The following PTPRG variants were observed in gnomAD, a reference collection of about 807,000 sequenced individuals.
PTPRG encodes the protein protein tyrosine phosphatase receptor type G, also known as receptor-type tyrosine-protein phosphatase gamma.
Under a neutral mutation model 165.3 loss-of-function variants are expected in PTPRG, and 102 were observed. The ratio of observed to expected loss-of-function variants is 0.62; its 90% CI spans 0.53 to 0.73. The LOEUF (loss-of-function observed/expected upper bound fraction) is 0.73, where lower values mean the gene tolerates loss of function less well. PTPRG is among the 30% of genes least tolerant of loss of function. PTPRG has a pLI of 0.00. For synonymous variants in PTPRG, 675 were observed against 669.5 expected (o/e 1.01, Z -0.13); for missense variants, 1,866 against 1,861.4 (o/e 1.00, Z -0.05).
chr3:62,290,533 G>GACTT (rs1357020655), intron 28 of PTPRG, among the ~76,000 whole-genome samples: 1 of 152,080 alleles, frequency 6.6e-6, no homozygotes, highest in Admixed American at 6.6e-5. Flanking sequence ...CAGATATCAA[G>GACTT]ACTTATTAAG....
Position 61,803,381 on chromosome 3 carries a change from A to G in PTPRG, c.190+54399A>G, listed in dbSNP as rs1048346780. ...GCGAAGTCTTTGAAATCTGATGTGT[A>G]TTATACTCTGTAAGCCCATCCCATT... On this transcript the variant is annotated intron_variant, in intron 2 of 29. Coordinates refer to ENST00000474889, the MANE Select transcript of PTPRG (RefSeq NM_002841.4). 6.6e-5 allele frequency among the ~76,000 whole-genome samples: 9 copies of G among 136,922 alleles called. No homozygotes were observed. In the South Asian group the frequency reaches 9.7e-4, roughly 15 times the overall value. 89.8% of individuals were successfully genotyped at this position (136,922 alleles called of 152,430 possible).
intron 5 of PTPRG, among the ~76,000 whole-genome samples, chr3:62,120,856 C>A (rs1454930091): frequency 6.6e-6 from 1 of 152,010 alleles, no homozygotes; most frequent in Non-Finnish European, 1.5e-5. Context: ...CTGTCTATAG[C>A]CAGAAGTTGG....
intron 14 of PTPRG, among the ~76,000 whole-genome samples, chr3:62,243,064 A>G (rs1223850613): frequency 6.6e-6 from 1 of 152,116 alleles, no homozygotes; most frequent in Non-Finnish European, 1.5e-5. Flanking sequence ...CGCAATGAGC[A>G]GTGACGTGGA....
chr3:62,191,598 C>T lies in PTPRG; in HGVS notation c.1163C>T (p.Thr388Ile). The T allele has an allele frequency of 6.2e-7, 1 of 1,614,100 alleles. No individual in the cohort carries two copies. Among genetic ancestry groups the T allele is most frequent in the South Asian group, 1.1e-5 (1 of 91,066 alleles). The part of the protein sequence containing the change: ...IMNYMISYSW[T>I]KNEDEKEKTF... The stretch of plus-strand genomic sequence containing the variant: ...AACTACATGATCTCCTACAGCTGGA[C>T]CAAGAATGAGGACGAGAAGGAGAAG... Residue 388 changes from threonine (T) to isoleucine (I), a missense_variant, in exon 9 of 30, where the codon ACC (threonine) becomes ATC (isoleucine). Around this residue, in one of 3 missense-constraint regions of PTPRG, gnomAD observed 1,452 missense variants for 1,463.0 expected, o/e 0.99. Coordinates refer to ENST00000474889, the MANE Select transcript of PTPRG (RefSeq NM_002841.4).
At position 62,150,445 on chromosome 3, in the gene PTPRG, C is replaced by A. The variant is rs1421950184; in HGVS notation, c.683-6622C>A. Among the ~76,000 whole-genome samples the A allele has an allele frequency of 3.9e-5, 6 of 152,214 alleles. No individual in the cohort carries two copies. The South Asian group carries it at 6.2e-4, about 16-fold the overall frequency. ...AAACGCAGAATCTCAGCTCTCATCC[C>A]AGACCTACTGGATCAGAATCTGCAT... On this transcript the variant is annotated intron_variant, in intron 6 of 29. Transcript: ENST00000474889.
chr3:61,676,799 G>C (rs887062706), intron 1 of PTPRG, among the ~76,000 whole-genome samples: 2 of 152,120 alleles, frequency 1.3e-5, no homozygotes, highest in African/African-American at 2.4e-5. Context: ...GAGCCAGATA[G>C]GATAGAGATT....
intron 2 of PTPRG, among the ~76,000 whole-genome samples, chr3:61,807,654 G>T (rs996806006): frequency 6.6e-6 from 1 of 152,170 alleles, no homozygotes; most frequent in Non-Finnish European, 1.5e-5. Context: ...ATACACATAT[G>T]TACACTTGTG....
chr3:61,941,864 A>G (rs1440182298), intron 2 of PTPRG, among the ~76,000 whole-genome samples: 1 of 151,940 alleles, frequency 6.6e-6, no homozygotes, highest in Admixed American at 6.6e-5. Context: ...TTTCTTTAGA[A>G]AGCCAGAATG....
chr3:62,192,473 A>ATCTCGGC (rs1370638491), intron 9 of PTPRG, among the ~76,000 whole-genome samples: 1 of 133,034 alleles, frequency 7.5e-6, no homozygotes, highest in African/African-American at 2.9e-5. Context: ...CAGTGGCGCA[A>ATCTCGGC]TCTCGGCTCA....
intron 6 of PTPRG, among the ~76,000 whole-genome samples, chr3:62,139,374 G>A (rs561603451): frequency 1.5e-4 from 23 of 152,144 alleles, no homozygotes; most frequent in Non-Finnish European, 2.4e-4. Flanking sequence ...CAGGAGAATC[G>A]CTTGAACCTG....
chr3:61,676,670 C>A (rs1324589185), intron 1 of PTPRG, among the ~76,000 whole-genome samples: 1 of 151,852 alleles, frequency 6.6e-6, no homozygotes, highest in South Asian at 2.1e-4. Context: ...AGACATCTAT[C>A]GGGAAATGGA....
chr3:62,105,429 A>G (rs1177928654), intron 5 of PTPRG, among the ~76,000 whole-genome samples: 1 of 152,216 alleles, frequency 6.6e-6, no homozygotes, highest in Non-Finnish European at 1.5e-5. Flanking sequence ...ATGAATTTCT[A>G]ATGTAGACAA....
chr3:62,288,027 A>G (rs1044510216), intron 28 of PTPRG, among the ~76,000 whole-genome samples: 1 of 152,096 alleles, frequency 6.6e-6, no homozygotes, highest in African/African-American at 2.4e-5. Context: ...ATTGCTTATA[A>G]ATAATTCATG....
intron 14 of PTPRG, among the ~76,000 whole-genome samples, chr3:62,231,683 G>A (rs1272392513): frequency 6.6e-6 from 1 of 152,032 alleles, no homozygotes; most frequent in Non-Finnish European, 1.5e-5. Context: ...AACATATAAT[G>A]CATGCATATA....
intron 2 of PTPRG, among the ~76,000 whole-genome samples, chr3:61,804,883 C>G (rs1018185379): frequency 6.6e-6 from 1 of 152,164 alleles, no homozygotes. Context: ...AATGCCAGCT[C>G]TCTTCCCCCC....
rs187163668 is a variant in PTPRG at position 62,252,330 on chromosome 3, C to T, written c.2468-2794C>T. ...GCTTCATCCAGGGGTTTCCCATTCT[C>T]TCTGAGTCGGAGCACTTTTTATCTA... is the stretch of plus-strand genomic sequence containing the variant. On this transcript the variant is annotated intron_variant, in intron 15 of 29. Coordinates refer to ENST00000474889, the MANE Select transcript of PTPRG (RefSeq NM_002841.4). This position sits in a 1 kb window ranked among gnomAD's most constrained non-coding sequence, Gnocchi z 4.6. 2.0e-5 allele frequency among the ~76,000 whole-genome samples: 3 copies of T among 152,318 alleles called. No individual in the cohort carries two copies. The highest frequency in any genetic ancestry group is 7.2e-5 in the African/African-American group (3 of 41,578).
intron 2 of PTPRG, among the ~76,000 whole-genome samples, chr3:61,911,829 G>A (rs1323072957): frequency 6.6e-6 from 1 of 152,156 alleles, no homozygotes; most frequent in African/African-American, 2.4e-5. Flanking sequence ...ATTGCCAGCA[G>A]TGTGTACCTG....
At position 62,203,275 on chromosome 3, in the gene PTPRG, A is replaced by G; in HGVS notation, c.1480A>G (p.Thr494Ala). ...GIPFSFVSMATGMGPSSSGSQ... is the reference protein window; with the variant it reads ...GIPFSFVSMAAGMGPSSSGSQ... ...CCCATTCTCATTTGTTTCCATGGCA[A>G]CTGGGATGGGCCCCTCCTCCAGTGG... The change falls in exon 12 of 30, where the codon ACT becomes GCT. Residue 494 changes from threonine (T) to alanine (A), a missense_variant. Physicochemically the swap from Thr to Ala is moderately conservative, Grantham distance 58 (BLOSUM62 0). Transcript: ENST00000474889. The surrounding 1 kb of genome is among the most constrained non-coding windows in gnomAD (Gnocchi z 6.4). 1.2e-6 allele frequency: 2 copies of G among 1,613,456 alleles called. No individual in the cohort carries two copies. Among genetic ancestry groups the G allele is most frequent in the Non-Finnish European group, 1.7e-6 (2 of 1,179,948 alleles).
At chr3:61,925,874 A>G (rs1408706603) in intron 2 of PTPRG, 1 of 495,148 alleles carries the variant, frequency 2.0e-6, no homozygotes, top group Non-Finnish European at 4.0e-6. Context: ...GGATGAATAC[A>G]TTACTGTTCC....
Sources: gnomAD v4.1 joint callset for allele counts (sites outside exome capture counted in the v4.1 genomes callset) on GRCh38, gnomAD v4.1.1 for gene constraint, gnomAD v4.1.1 regional missense constraint, Gnocchi (gnomAD v3.1) non-coding constraint, MANE v1.5 for transcripts, NCBI Gene and HGNC (gene_info 2026-07-23, HGNC 2026-07-21) for gene names.